Variants in VPS13B observed in about 807,000 individuals in gnomAD.
VPS13B encodes the protein vacuolar protein sorting 13 homolog B.
VPS13B carries 285 observed loss-of-function variants against 426.4 expected under a neutral mutation model. The ratio of observed to expected loss-of-function variants is 0.67; its 90% CI spans 0.61 to 0.74. The LOEUF is 0.74. VPS13B is among the 30% of genes least tolerant of loss of function. The pLI is 0.00. For missense variants in VPS13B, 4,537 were observed against 4,782.6 expected (o/e 0.95, Z 1.51); for synonymous variants, 1,676 against 1,676.4 (o/e 1.00, Z 0.01).
At chr8:99,508,248 T>A (rs908384718) in intron 28 of VPS13B, among the ~76,000 whole-genome samples, 5 of 152,280 alleles carry the variant, frequency 3.3e-5, no homozygotes, top group South Asian at 4.1e-4. Flanking sequence ...AGATTGCCTT[T>A]AAAAATTTTT....
chr8:99,801,330 A>G (rs1563922959), intron 43 of VPS13B, among the ~76,000 whole-genome samples: 1 of 152,184 alleles, frequency 6.6e-6, no homozygotes, highest in Non-Finnish European at 1.5e-5. Flanking sequence ...TAAGCTGACA[A>G]GTTGATAATA....
At chr8:99,308,789 T>C (rs1326027056) in intron 19 of VPS13B, among the ~76,000 whole-genome samples, 1 of 152,220 alleles carries the variant, frequency 6.6e-6, no homozygotes, top group Non-Finnish European at 1.5e-5. Context: ...TAGTTTACAG[T>C]GCCACCAACA....
intron 19 of VPS13B, among the ~76,000 whole-genome samples, chr8:99,322,631 CTG>C (rs1249890093): frequency 6.6e-6 from 1 of 152,182 alleles, no homozygotes; most frequent in African/African-American, 2.4e-5. Context: ...ATCCACATGT[CTG>C]TGTCAGAGTT....
chr8:99,578,481 T>A (rs1195471839), intron 33 of VPS13B, among the ~76,000 whole-genome samples: 1 of 152,100 alleles, frequency 6.6e-6, no homozygotes, highest in East Asian at 1.9e-4. Flanking sequence ...TTTAAAAAAA[T>A]TATTTTAAAA....
chr8:99,548,830 T>G (rs1384485496), intron 30 of VPS13B, among the ~76,000 whole-genome samples: 1 of 151,954 alleles, frequency 6.6e-6, no homozygotes, highest in Non-Finnish European at 1.5e-5. Context: ...GGGGATTATG[T>G]AATAAGAAAG....
At chr8:99,790,613 G>T (rs893015319) in intron 43 of VPS13B, among the ~76,000 whole-genome samples, 1 of 152,156 alleles carries the variant, frequency 6.6e-6, no homozygotes, top group Non-Finnish European at 1.5e-5. Context: ...AGGGAATCAG[G>T]AAGTAAAATC....
chr8:99,584,583 T>C lies in VPS13B; in HGVS notation c.5220+6950T>C, dbSNP rs570706677. ...CTCTGCCCTCTAGGCTTTTATAATC[T>C]GGTTGGGAAGTAAAGCATAGACAAA... On this transcript the variant is annotated intron_variant, in intron 33 of 61. Coordinates refer to ENST00000357162, the MANE Select transcript of VPS13B (RefSeq NM_152564.5). 2.6e-5 allele frequency among the ~76,000 whole-genome samples: 4 copies of C among 152,268 alleles called. No homozygotes were observed. The East Asian group carries it at 7.7e-4, about 29-fold the overall frequency.
chr8:99,210,641 C>T (rs1815033548), intron 17 of VPS13B, among the ~76,000 whole-genome samples: 1 of 151,518 alleles, frequency 6.6e-6, no homozygotes, highest in Non-Finnish European at 1.5e-5. Flanking sequence ...GTTTTATTTC[C>T]ATCTCTCAGG....
intron 19 of VPS13B, among the ~76,000 whole-genome samples, chr8:99,352,516 A>T (rs1203452173): frequency 6.6e-6 from 1 of 152,184 alleles, no homozygotes; most frequent in Non-Finnish European, 1.5e-5. Flanking sequence ...GACCAGGAAA[A>T]CTTGAGCTTT....
At chr8:99,864,426 C>G (rs896534892) in intron 58 of VPS13B, among the ~76,000 whole-genome samples, 1 of 152,122 alleles carries the variant, frequency 6.6e-6, no homozygotes, top group Non-Finnish European at 1.5e-5. Flanking sequence ...GGCATGGTGG[C>G]ACATCCCTGT....
At chr8:99,617,249 T>C (rs1828134240) in intron 33 of VPS13B, among the ~76,000 whole-genome samples, 1 of 152,226 alleles carries the variant, frequency 6.6e-6, no homozygotes, top group Non-Finnish European at 1.5e-5. Context: ...GTTGATTGTG[T>C]GAAACATATG....
chr8:99,087,644 G>GT (rs1845908271), intron 3 of VPS13B, among the ~76,000 whole-genome samples: 2 of 148,360 alleles, frequency 1.3e-5, no homozygotes, highest in Non-Finnish European at 3.0e-5. Flanking sequence ...GACTGGGTCT[G>GT]TTTATGTAGC....
intron 33 of VPS13B, among the ~76,000 whole-genome samples, chr8:99,606,646 TGAGA>T (rs1827602714): frequency 6.8e-6 from 1 of 146,446 alleles, no homozygotes. Flanking sequence ...TTTTTTTTTT[TGAGA>T]CGGAGTTTCA....
chr8:99,868,165 A>G (rs553658420), intron 58 of VPS13B, 124 bp from the exon 59 acceptor site: 2 of 1,207,082 alleles, frequency 1.7e-6, no homozygotes, highest in African/African-American at 1.5e-5. Flanking sequence ...AATGGGTAGT[A>G]AAGACCTTTA....
intron 23 of VPS13B, among the ~76,000 whole-genome samples, chr8:99,447,730 T>G (rs1817990687): frequency 6.6e-6 from 1 of 152,144 alleles, no homozygotes; most frequent in Admixed American, 6.6e-5. Flanking sequence ...ATATAAATTT[T>G]ATAGTATGTG....
At chr8:99,064,503 T>C (rs530274846) in intron 3 of VPS13B, among the ~76,000 whole-genome samples, 13 of 152,196 alleles carry the variant, frequency 8.5e-5, no homozygotes, top group Admixed American at 7.2e-4. Flanking sequence ...GAAGAAAGGG[T>C]AGCAGTGATT....
intron 3 of VPS13B, among the ~76,000 whole-genome samples, chr8:99,084,808 G>C (rs1845682687): frequency 6.6e-6 from 1 of 152,148 alleles, no homozygotes; most frequent in African/African-American, 2.4e-5. Flanking sequence ...ACTGCACTGT[G>C]GTCTGAGAGA....
At chr8:99,372,544 C>G (rs901988888) in intron 19 of VPS13B, among the ~76,000 whole-genome samples, 13 of 152,004 alleles carry the variant, frequency 8.6e-5, no homozygotes, top group African/African-American at 3.1e-4. Context: ...ATTTATGTGG[C>G]CAACAAACAT....
At chr8:99,451,101 A>G (rs955723538) in intron 23 of VPS13B, among the ~76,000 whole-genome samples, 3 of 152,186 alleles carry the variant, frequency 2.0e-5, no homozygotes, top group Non-Finnish European at 4.4e-5. Context: ...TTTTTTTAGT[A>G]TACTGAGGAA....
Sources: gnomAD v4.1 joint callset for allele counts (sites outside exome capture counted in the v4.1 genomes callset) on GRCh38, gnomAD v4.1.1 for gene constraint, MANE v1.5 for transcripts, NCBI Gene and HGNC (gene_info 2026-07-23, HGNC 2026-07-21) for gene names.